XYLT1: variants seen among roughly 807,000 people sequenced by gnomAD.
XYLT1 encodes the protein beta-D-xylosyltransferase 1.
Under a neutral mutation model 91.3 loss-of-function variants are expected in XYLT1, and 36 were observed. That is an observed-to-expected ratio of 0.39 (90% CI 0.30 to 0.52). The LOEUF is 0.52. XYLT1 is among the 20% of genes least tolerant of loss of function. The probability of loss-of-function intolerance (pLI) is 0.68; values close to 1 mark genes in which losing one functional copy is unlikely to be tolerated. For missense variants in XYLT1, 1,242 were observed against 1,284.5 expected (o/e 0.97, Z 0.51); for synonymous variants, 588 against 532.0 (o/e 1.11, Z -1.45).
rs1375815764 is a variant in XYLT1 at position 17,470,025 on chromosome 16, C to T, written c.363+409G>A. On this transcript the variant is annotated intron_variant, in intron 1 of 11. Coordinates refer to ENST00000261381, the MANE Select transcript of XYLT1 (RefSeq NM_022166.4). ...CTCGGCAAAAACCAGAGAGATGCTG[C>T]TGCGACAACCGCCCAGGAACAGCGG... is the stretch of plus-strand genomic sequence containing the variant. Among the ~76,000 whole-genome samples the T allele has an allele frequency of 2.0e-5, 3 of 152,152 alleles. No individual in the cohort carries two copies. In the East Asian group the frequency reaches 5.8e-4, roughly 29 times the overall value.
chr16:17,296,694 C>T (rs1030594609), intron 2 of XYLT1, among the ~76,000 whole-genome samples: 16 of 152,222 alleles, frequency 1.1e-4, no homozygotes, highest in Admixed American at 1.0e-3. Context: ...TGACCTCTGG[C>T]TTACACCAAA....
At chr16:17,363,190 A>G (rs1431359663) in intron 1 of XYLT1, among the ~76,000 whole-genome samples, 3 of 152,190 alleles carry the variant, frequency 2.0e-5, no homozygotes, top group South Asian at 2.1e-4. Context: ...CCAGCCAGAA[A>G]CCTAAAGGGA....
chr16:17,158,958 GTCTT>G (rs1316664213), intron 5 of XYLT1, 49 bp from the exon 6 acceptor site: 1 of 1,546,352 alleles, frequency 6.5e-7, no homozygotes, highest in South Asian at 1.1e-5. Context: ...CGTGGGTACT[GTCTT>G]TGTCACAGAA....
chr16:17,110,327 A>G (rs1475583134), intron 11 of XYLT1, among the ~76,000 whole-genome samples: 2 of 152,222 alleles, frequency 1.3e-5, no homozygotes, highest in Non-Finnish European at 2.9e-5. Flanking sequence ...TGTAGCTCCC[A>G]GAATCCCCAC....
intron 2 of XYLT1, among the ~76,000 whole-genome samples, chr16:17,262,937 C>T (rs1018187075): frequency 6.6e-6 from 1 of 152,126 alleles, no homozygotes; most frequent in Non-Finnish European, 1.5e-5. Flanking sequence ...ATTTTTTTCT[C>T]CCTCCAACAG....
intron 2 of XYLT1, among the ~76,000 whole-genome samples, chr16:17,261,534 T>C (rs758671842): frequency 3.3e-5 from 5 of 152,104 alleles, no homozygotes; most frequent in Non-Finnish European, 7.4e-5. Flanking sequence ...TTCCAAGAAA[T>C]TGTATGATCC....
intron 3 of XYLT1, among the ~76,000 whole-genome samples, chr16:17,217,830 C>A (rs2032888151): frequency 6.6e-6 from 1 of 151,962 alleles, no homozygotes; most frequent in African/African-American, 2.4e-5. Flanking sequence ...TCCAAAGAAG[C>A]CACGGTGAAG....
chr16:17,393,611 GTT>G (rs1423744247), intron 1 of XYLT1, among the ~76,000 whole-genome samples: 1 of 152,054 alleles, frequency 6.6e-6, no homozygotes, highest in African/African-American at 2.4e-5. Flanking sequence ...CATCTTTAGA[GTT>G]CGGAAAAATG....
Position 17,107,086 on chromosome 16 carries a change from G to A in XYLT1, c.*1609C>T, listed in dbSNP as rs984275141. The A allele has an allele frequency of 1.3e-5, 2 of 152,160 alleles. No individual in the cohort carries two copies. The highest frequency in any genetic ancestry group is 4.8e-5 in the African/African-American group (2 of 41,450). 9.4% of individuals were successfully genotyped at this position (152,160 alleles called of 1,614,324 possible). On this transcript the variant is annotated 3_prime_UTR_variant, in exon 12 of 12. Coordinates refer to ENST00000261381, the MANE Select transcript of XYLT1 (RefSeq NM_022166.4). The stretch of plus-strand genomic sequence containing the variant: ...CTGCAAAAACAGCACCTACTAATTA[G>A]TCATCGACTAAAACATGTAAATAAT...
chr16:17,137,409 TAGTGGTTTGGGAAGTAGC>T (rs1484410975), intron 8 of XYLT1: 12 of 152,236 alleles, frequency 7.9e-5, no homozygotes, highest in African/African-American at 2.9e-4. Context: ...CTTCCTGTGT[TAGTGGTTTGGGAAGTAGC>T]ATACCGTCTC....
intron 2 of XYLT1, among the ~76,000 whole-genome samples, chr16:17,305,467 G>A (rs192525082): frequency 0.013 from 1,965 of 147,954 alleles, 62 homozygotes; most frequent in Admixed American, 0.079. Flanking sequence ...CCAGGCTGGA[G>A]TGCAGTGGTG....
chr16:17,197,003 T>C (rs990218618), intron 5 of XYLT1, among the ~76,000 whole-genome samples: 7 of 112,482 alleles, frequency 6.2e-5, no homozygotes, highest in African/African-American at 2.5e-4. Context: ...AGAGCGAGAC[T>C]CTGTCTCCAA....
At chr16:17,307,399 T>C (rs867387847) in intron 2 of XYLT1, among the ~76,000 whole-genome samples, 8 of 152,344 alleles carry the variant, frequency 5.3e-5, no homozygotes, top group Non-Finnish European at 7.4e-5. Context: ...AATGCCTTAT[T>C]TTCTGGAAGT....
rs372491262 is a variant in XYLT1 at position 17,198,310 on chromosome 16, G to C, written c.1191C>G (p.Leu397=). 8.7e-6 allele frequency: 14 copies of C among 1,614,204 alleles called. No individual in the cohort carries two copies. The highest frequency in any genetic ancestry group is 1.3e-5 in the African/African-American group (1 of 75,064). The change falls in exon 5 of 12, where the codon CTC becomes CTG. Residue 397 remains leucine, a synonymous_variant. Transcript: ENST00000261381. ...GCATGCTCTGCAGGTAGGTGGACAG[G>C]AGGCTGGCTCCTCCCCAGATGGTGG... ...RMATIWGGAS[L]LSTYLQSMRD...
In XYLT1 at chr16:17,138,545, AG is replaced by A. The variant is rs761970455; in HGVS notation, c.1588-15del. The A allele has an allele frequency of 6.2e-7, 1 of 1,611,134 alleles. No homozygotes were observed. ...ATGGAAGAAGGACTGCAGGGGAGAG[AG>A]GGACCCAGCCTGAGACCTCTCCCAG... On this transcript the variant is annotated splice_polypyrimidine_tract_variant and intron_variant, in intron 7 of 11. Coordinates refer to ENST00000261381, the MANE Select transcript of XYLT1 (RefSeq NM_022166.4).
At chr16:17,200,712 G>C in intron 3 of XYLT1, 58 bp from the exon 4 acceptor site, 2 of 1,578,750 alleles carry the variant, frequency 1.3e-6, no homozygotes, top group Non-Finnish European at 1.7e-6. Flanking sequence ...TCCTTTGCAG[G>C]GGTGGGAAGT....
intron 2 of XYLT1, among the ~76,000 whole-genome samples, chr16:17,337,089 G>A (rs1014465939): frequency 1.3e-5 from 2 of 152,120 alleles, no homozygotes; most frequent in East Asian, 3.9e-4. Flanking sequence ...GTACAGGGTG[G>A]GTTTTTTGGG....
Position 17,159,323 on chromosome 16 carries a change from G to A in XYLT1, c.1290-414C>T, listed in dbSNP as rs114987019. On this transcript the variant is annotated intron_variant, in intron 5 of 11. Transcript: ENST00000261381. ...ATTGCTGGCTTGGCTTTGTCATCAG[G>A]TGTCCTTTCAAATACCACCTCTTTA... Among the ~76,000 whole-genome samples the A allele has an allele frequency of 5.0e-3, 755 of 152,228 alleles. 7 individuals are homozygous for A. The highest frequency in any genetic ancestry group is 0.017 in the African/African-American group (701 of 41,536).
intron 6 of XYLT1, among the ~76,000 whole-genome samples, chr16:17,143,842 C>A (rs2031056346): frequency 1.2e-5 from 1 of 81,360 alleles, no homozygotes; most frequent in Admixed American, 1.1e-4. Context: ...CCATCGTCAT[C>A]ATCACCATCA....
Sources: gnomAD v4.1 joint callset for allele counts (sites outside exome capture counted in the v4.1 genomes callset) on GRCh38, gnomAD v4.1.1 for gene constraint, MANE v1.5 for transcripts, NCBI Gene and HGNC (gene_info 2026-07-23, HGNC 2026-07-21) for gene names.